Variants in FAT4 observed in about 807,000 individuals in gnomAD.
FAT4 encodes protocadherin Fat 4.
In FAT4, 84 loss-of-function variants were observed where a neutral mutation model predicts 303.9. That is an observed-to-expected ratio of 0.28 (90% CI 0.23 to 0.33). The LOEUF (loss-of-function observed/expected upper bound fraction) is 0.33. Among genes scored for constraint, FAT4 ranks in the 10% least tolerant of loss-of-function variants. FAT4 has a pLI of 1.00. For synonymous variants in FAT4, 2,307 were observed against 2,298.8 expected, an observed-to-expected ratio of 1.00 and a Z score of -0.10; for missense variants, 6,005 against 6,146.8, an observed-to-expected ratio of 0.98 and a Z score of 0.77.
rs965806119 is a variant in FAT4, at chr4:125,491,014, T to C, written c.14198T>C (p.Leu4733Ser). The C allele has an allele frequency of 5.0e-6, 8 of 1,614,084 alleles. No individual in the cohort carries two copies. Among genetic ancestry groups the C allele is most frequent in the South Asian group, 1.1e-5 (1 of 91,088 alleles). ...CTTCCTATAAGGGATGGTAATACTTTGGAAATGCATGGTGACACCTGCCAA... is the reference window on the plus strand; with the variant it reads ...CTTCCTATAAGGGATGGTAATACTTCGGAAATGCATGGTGACACCTGCCAA... ...LHLPIRDGNTLEMHGDTCQPG... is the reference protein window; with the variant it reads ...LHLPIRDGNTSEMHGDTCQPG... The change falls in exon 18 of 18, where the codon TTG becomes TCG. Residue 4733 changes from leucine (L) to serine (S), a missense_variant. Coordinates refer to ENST00000394329, the MANE Select transcript of FAT4 (RefSeq NM_001291303.3).
At chr4:125,394,952 G>A (rs1734110299) in intron 2 of FAT4, among the ~76,000 whole-genome samples, 1 of 151,936 alleles carries the variant, frequency 6.6e-6, no homozygotes, top group Non-Finnish European at 1.5e-5. Context: ...TATATATTTT[G>A]GTGACTAATA....
At position 125,491,240 on chromosome 4, in the gene FAT4, C is replaced by T. The variant is rs1727628044; in HGVS notation, c.14424C>T (p.Cys4808=). The T allele has an allele frequency of 6.2e-7, 1 of 1,613,968 alleles. No homozygotes were observed. Among genetic ancestry groups the T allele is most frequent in the African/African-American group, 1.3e-5 (1 of 74,914 alleles). ...CTCGCCCTAGAAACCCAAGTATCTG[C>T]AGTGCAGACCATGGGAGGTCTTCTT... is the stretch of plus-strand genomic sequence containing the variant. ...NTPRPRNPSI[C]SADHGRSSSE... is the part of the protein sequence containing the mutation. Residue 4808 remains cysteine, a synonymous_variant, in exon 18 of 18, where the codon TGC becomes TGT. Transcript: ENST00000394329.
chr4:125,479,827 A>G lies in FAT4; in HGVS notation c.12566A>G (p.His4189Arg), dbSNP rs1277593361. 3 of 1,601,460 alleles carry G rather than the reference A, an allele frequency of 1.9e-6. No homozygotes were observed. The highest frequency in any genetic ancestry group is 3.3e-5 in the Admixed American group (2 of 59,874). The change falls in exon 15 of 18, where the codon CAT becomes CGT. Residue 4189 changes from histidine to arginine, a missense_variant. Physicochemically the swap from His to Arg is conservative, Grantham distance 29. Coordinates refer to ENST00000394329, the MANE Select transcript of FAT4 (RefSeq NM_001291303.3). Reference sequence around the variant, plus strand: ...GATTACTGGTCATGGCAGCAGTGTCATTGCAAAGAGGGACTCACTGGGAAA... The same window carrying G: ...GATTACTGGTCATGGCAGCAGTGTCGTTGCAAAGAGGGACTCACTGGGAAA... ...CMDYWSWQQC[H>R]CKEGLTGKYC...
intron 2 of FAT4, among the ~76,000 whole-genome samples, chr4:125,374,275 T>C (rs1196342948): frequency 6.6e-6 from 1 of 152,180 alleles, no homozygotes; most frequent in Admixed American, 6.5e-5. Flanking sequence ...AGAATGTAAA[T>C]CCGTAATCAC....
chr4:125,340,287 C>T (rs1731732545), intron 2 of FAT4, among the ~76,000 whole-genome samples: 1 of 152,176 alleles, frequency 6.6e-6, no homozygotes, highest in Admixed American at 6.5e-5. Context: ...ATGCATATTA[C>T]TTTTCAGAAG....
chr4:125,392,991 A>G (rs539767599), intron 2 of FAT4, among the ~76,000 whole-genome samples: 1 of 152,320 alleles, frequency 6.6e-6, no homozygotes, highest in South Asian at 2.1e-4. Flanking sequence ...CTCTCTGTAA[A>G]ATAACAGAAA....
At chr4:125,377,350 ATT>A (rs1265920445) in intron 2 of FAT4, among the ~76,000 whole-genome samples, 4 of 152,106 alleles carry the variant, frequency 2.6e-5, no homozygotes, top group Non-Finnish European at 5.9e-5. Context: ...ACAAAAAGCT[ATT>A]CACTGAAACT....
rs182477293 is a variant in FAT4 at position 125,344,767 on chromosome 4, G to T, written c.5175+23181G>T. Among the ~76,000 whole-genome samples, 230 of 151,990 alleles carry T rather than the reference G, an allele frequency of 1.5e-3. 3 individuals are homozygous for T. Among genetic ancestry groups the T allele is most frequent in the Middle Eastern group, 0.014 (4 of 294 alleles). On this transcript the variant is annotated intron_variant, in intron 2 of 17. Transcript: ENST00000394329. Reference sequence around the variant, plus strand: ...CACCATTTTTATTCACACCATAATTGTAATGCTTACCCCATTGATAAATTA... The same window carrying T: ...CACCATTTTTATTCACACCATAATTTTAATGCTTACCCCATTGATAAATTA...
At chr4:125,469,065 G>T (rs1198575475) in intron 12 of FAT4, among the ~76,000 whole-genome samples, 1 of 152,122 alleles carries the variant, frequency 6.6e-6, no homozygotes, top group Non-Finnish European at 1.5e-5. Context: ...ATGTTTTTAA[G>T]GCCATGTCAG....
chr4:125,461,512 AC>A (rs1726483780), intron 10 of FAT4, among the ~76,000 whole-genome samples: 1 of 151,998 alleles, frequency 6.6e-6, no homozygotes, highest in Non-Finnish European at 1.5e-5. Context: ...CAATTTTGTA[AC>A]CCACTAACAT....
intron 10 of FAT4, among the ~76,000 whole-genome samples, chr4:125,453,653 C>G (rs570665694): frequency 6.6e-6 from 1 of 151,586 alleles, no homozygotes; most frequent in African/African-American, 2.4e-5. Context: ...TTGCAGTGAG[C>G]CGAGATCGCG....
At chr4:125,399,287 A>G (rs930151055) in intron 3 of FAT4, among the ~76,000 whole-genome samples, 9 of 152,092 alleles carry the variant, frequency 5.9e-5, no homozygotes, top group Admixed American at 3.3e-4. Context: ...AATTGTTAAA[A>G]GCAAATAATT....
At chr4:125,326,386 A>G (rs970123125) in intron 2 of FAT4, among the ~76,000 whole-genome samples, 2 of 151,912 alleles carry the variant, frequency 1.3e-5, no homozygotes, top group Admixed American at 6.6e-5. Context: ...GATATATAAT[A>G]ACTGTTATTA....
At chr4:125,356,618 G>A (rs1578554701) in intron 2 of FAT4, among the ~76,000 whole-genome samples, 1 of 144,012 alleles carries the variant, frequency 6.9e-6, no homozygotes, top group African/African-American at 2.6e-5. Context: ...CCCCATATAT[G>A]AGTTATTTTA....
At position 125,321,393 on chromosome 4, in the gene FAT4, C is replaced by G. The variant is rs1345066855; in HGVS notation, c.4982C>G (p.Ala1661Gly). Residue 1661 changes from alanine to glycine, a missense_variant, in exon 2 of 18, where the codon GCC (alanine) becomes GGC (glycine). Transcript: ENST00000394329. ...GCAGCTAGCCCCAGAGGATCTGAGG[C>G]CCCAGTGGAGTATTATATTGTTTCA... is the stretch of plus-strand genomic sequence containing the variant. ...IEAASPRGSEAPVEYYIVSVR... is the reference protein window; with the variant it reads ...IEAASPRGSEGPVEYYIVSVR... The G allele has an allele frequency of 6.2e-7, 1 of 1,613,958 alleles. No homozygotes were observed. Among genetic ancestry groups the G allele is most frequent in the Non-Finnish European group, 8.5e-7 (1 of 1,179,984 alleles).
intron 8 of FAT4, among the ~76,000 whole-genome samples, chr4:125,439,724 G>A (rs1451916945): frequency 6.6e-6 from 1 of 151,988 alleles, no homozygotes; most frequent in African/African-American, 2.4e-5. Context: ...CATTTTTCTT[G>A]TGTTTCTTCA....
chr4:125,455,657 C>T (rs922768152), intron 10 of FAT4, among the ~76,000 whole-genome samples: 1 of 152,180 alleles, frequency 6.6e-6, no homozygotes, highest in Non-Finnish European at 1.5e-5. Flanking sequence ...AGAAACTTGG[C>T]TCTGGTGCCT....
intron 2 of FAT4, among the ~76,000 whole-genome samples, chr4:125,362,588 T>A (rs1195642155): frequency 1.3e-5 from 2 of 152,202 alleles, no homozygotes; most frequent in African/African-American, 4.8e-5. Context: ...GATTTACATT[T>A]ACTGTTTGGC....
In FAT4 at chr4:125,380,700, G is replaced by A. The variant is rs190453880; in HGVS notation, c.5176-18084G>A. 5.3e-5 allele frequency among the ~76,000 whole-genome samples: 8 copies of A among 152,270 alleles called. No individual in the cohort carries two copies. The East Asian group carries it at 9.6e-4, about 18-fold the overall frequency. On this transcript the variant is annotated intron_variant, in intron 2 of 17. Transcript: ENST00000394329. Reference sequence around the variant, plus strand: ...ACATTTATTAATGTAAGCAGACTGCGAGAATTCTATTAATCTAGACAGGAG... The same window carrying A: ...ACATTTATTAATGTAAGCAGACTGCAAGAATTCTATTAATCTAGACAGGAG...
Sources: allele counts gnomAD v4.1 joint callset (sites outside exome capture counted in the v4.1 genomes callset), GRCh38; gene constraint gnomAD v4.1.1; transcripts MANE v1.5; gene names NCBI Gene and HGNC (gene_info 2026-07-23, HGNC 2026-07-21).